RBFOX1: variants seen among roughly 807,000 people sequenced by gnomAD.
RBFOX1 encodes the protein RNA binding protein fox-1 homolog 1.
RBFOX1 carries 8 observed loss-of-function variants against 57.7 expected under a neutral mutation model. That is an observed-to-expected ratio of 0.14 (90% CI 0.08 to 0.25). The LOEUF (loss-of-function observed/expected upper bound fraction) is 0.25, where lower values mean the gene tolerates loss of function less well. Ranked by LOEUF, RBFOX1 falls within the 10% of genes least tolerant of loss-of-function variation. The probability of loss-of-function intolerance (pLI) is 1.00; values close to 1 mark genes in which losing one functional copy is unlikely to be tolerated. For missense variants in RBFOX1, 611 were observed against 548.5 expected (o/e 1.11, Z -1.14); for synonymous variants, 326 against 222.4 (o/e 1.47, Z -4.15).
intron 4 of RBFOX1, among the ~76,000 whole-genome samples, chr16:7,342,098 C>T (rs2096909147): frequency 6.6e-6 from 1 of 152,088 alleles, no homozygotes; most frequent in Non-Finnish European, 1.5e-5. Context: ...TGAGGCAGCA[C>T]AGTTAAATTT....
intron 1 of RBFOX1, among the ~76,000 whole-genome samples, chr16:6,128,753 T>C (rs1012395321): frequency 1.3e-5 from 2 of 152,206 alleles, no homozygotes; most frequent in African/African-American, 2.4e-5. Context: ...CAGAGATCAG[T>C]TGATGCAGTG....
intron 4 of RBFOX1, among the ~76,000 whole-genome samples, chr16:7,194,497 G>A (rs529713265): frequency 6.6e-6 from 1 of 152,056 alleles, no homozygotes; most frequent in Middle Eastern, 3.4e-3. Context: ...AGCTCTTTGG[G>A]GCTAAAGATT....
At chr16:7,274,351 G>A (rs757399192) in intron 4 of RBFOX1, among the ~76,000 whole-genome samples, 1 of 152,116 alleles carries the variant, frequency 6.6e-6, no homozygotes, top group Admixed American at 6.6e-5. Flanking sequence ...AATTCAGAAA[G>A]TTTAACTGCT....
intron 1 of RBFOX1, among the ~76,000 whole-genome samples, chr16:6,115,267 G>A (rs766477443): frequency 3.3e-5 from 5 of 152,210 alleles, no homozygotes; most frequent in Non-Finnish European, 5.9e-5. Context: ...TTGGCATAAT[G>A]TGGAGTATAA....
At chr16:5,879,788 C>T (rs916576194) in intron 4 of RBFOX1, among the ~76,000 whole-genome samples, 1 of 152,202 alleles carries the variant, frequency 6.6e-6, no homozygotes, top group Non-Finnish European at 1.5e-5. Context: ...GTTGACCTCG[C>T]AGTACAGGAT....
chr16:7,676,376 A>C (rs943639159), intron 13 of RBFOX1, among the ~76,000 whole-genome samples: 6 of 152,230 alleles, frequency 3.9e-5, no homozygotes, highest in East Asian at 1.9e-4. Context: ...TGTTTGAATA[A>C]AATTTAAGTT....
intron 2 of RBFOX1, among the ~76,000 whole-genome samples, chr16:6,571,210 C>CGAAAATTGTCA (rs1406026513): frequency 6.6e-6 from 1 of 152,168 alleles, no homozygotes; most frequent in African/African-American, 2.4e-5. Flanking sequence ...AAGGCTTCTT[C>CGAAAATTGTCA]GAAAATTGTC....
chr16:6,070,588 A>G (rs926806183), intron 1 of RBFOX1, among the ~76,000 whole-genome samples: 6 of 152,190 alleles, frequency 3.9e-5, no homozygotes, highest in African/African-American at 1.4e-4. Flanking sequence ...AGCCCGAAGA[A>G]GCAGCTGGCT....
At chr16:6,531,914 C>G (rs995235715) in intron 2 of RBFOX1, among the ~76,000 whole-genome samples, 2 of 152,068 alleles carry the variant, frequency 1.3e-5, no homozygotes, top group African/African-American at 4.8e-5. Flanking sequence ...CTACATTAAG[C>G]AAAAAGAATA....
chr16:5,459,513 C>T (rs558232504), intron 1 of RBFOX1, among the ~76,000 whole-genome samples: 10 of 152,158 alleles, frequency 6.6e-5, no homozygotes, highest in Non-Finnish European at 1.3e-4. Context: ...CGCCTGACCA[C>T]TCTAAATGGA....
chr16:6,988,123 T>C (rs1387954871), intron 3 of RBFOX1, among the ~76,000 whole-genome samples: 1 of 150,010 alleles, frequency 6.7e-6, no homozygotes, highest in African/African-American at 2.5e-5. Context: ...ACTGAGAACA[T>C]AGGAATACAT....
chr16:6,478,429 A>ATTTTTTT lies in RBFOX1; in HGVS notation c.-64+161384_-64+161390dup, dbSNP rs58352204. The stretch of plus-strand genomic sequence containing the variant: ...TATATATATATATATATATATATAT[A>ATTTTTTT]TTTTTTTTTTTTTTTTTTGTATTTT... On this transcript the variant is annotated intron_variant, in intron 2 of 15. Transcript: ENST00000550418. 4.2e-3 allele frequency among the ~76,000 whole-genome samples: 102 copies of ATTTTTTT among 24,572 alleles called. 7 individuals carry two copies. The highest frequency in any genetic ancestry group is 0.013 in the East Asian group (5 of 372). The allele number at this position is 24,572 out of a possible 152,430, so 16.1% of individuals were successfully genotyped here.
intron 2 of RBFOX1, among the ~76,000 whole-genome samples, chr16:6,530,870 A>G (rs1283362579): frequency 6.6e-6 from 1 of 152,100 alleles, no homozygotes; most frequent in Non-Finnish European, 1.5e-5. Context: ...GGGAATTGTA[A>G]GAGATATAAT....
intron 4 of RBFOX1, among the ~76,000 whole-genome samples, chr16:6,010,327 A>T (rs1472151411): frequency 6.6e-6 from 1 of 152,180 alleles, no homozygotes. Flanking sequence ...GTGAATGTAC[A>T]TTCCAGCTCC....
intron 3 of RBFOX1, among the ~76,000 whole-genome samples, chr16:5,748,112 C>G (rs1231143417): frequency 6.6e-6 from 1 of 152,152 alleles, no homozygotes; most frequent in East Asian, 1.9e-4. Flanking sequence ...ATCTTTATTT[C>G]TGCCTTCATT....
At chr16:7,299,061 G>C (rs368816820) in intron 4 of RBFOX1, among the ~76,000 whole-genome samples, 1 of 152,184 alleles carries the variant, frequency 6.6e-6, no homozygotes, top group Non-Finnish European at 1.5e-5. Context: ...TCTAGAATTA[G>C]AATAGTTACT....
chr16:6,509,688 A>G (rs985322069), intron 2 of RBFOX1, among the ~76,000 whole-genome samples: 2 of 152,204 alleles, frequency 1.3e-5, no homozygotes, highest in Non-Finnish European at 2.9e-5. Flanking sequence ...AAAAGAGTAT[A>G]ATCGGATTGT....
intron 3 of RBFOX1, among the ~76,000 whole-genome samples, chr16:7,037,036 C>T (rs985720995): frequency 6.6e-6 from 1 of 152,066 alleles, no homozygotes; most frequent in Non-Finnish European, 1.5e-5. Context: ...GGGAGTGTGG[C>T]AGTGAGGACA....
At chr16:5,256,886 A>G (rs1365281802) in intron 1 of RBFOX1, among the ~76,000 whole-genome samples, 11 of 151,920 alleles carry the variant, frequency 7.2e-5, no homozygotes, top group Admixed American at 4.6e-4. Flanking sequence ...GTGAGCTGAG[A>G]TGGCGCCACT....
Sources: gnomAD v4.1 joint callset for allele counts (sites outside exome capture counted in the v4.1 genomes callset) on GRCh38, gnomAD v4.1.1 for gene constraint, MANE v1.5 for transcripts, NCBI Gene and HGNC (gene_info 2026-07-23, HGNC 2026-07-21) for gene names.